Variants in FBXL5 observed in about 807,000 individuals in gnomAD.
FBXL5 encodes F-box and leucine rich repeat protein 5.
FBXL5 carries 26 observed loss-of-function variants against 78.3 expected under a neutral mutation model. The observed-to-expected ratio is 0.33, with a 90% CI of 0.24 to 0.46. The LOEUF is 0.46. Among genes scored for constraint, FBXL5 ranks in the 20% least tolerant of loss-of-function variants. The probability of loss-of-function intolerance (pLI) is 1.00; values close to 1 mark genes in which losing one functional copy is unlikely to be tolerated. For synonymous variants in FBXL5, 295 were observed against 282.5 expected (o/e 1.04, Z -0.45); for missense variants, 710 against 829.2 (o/e 0.86, Z 1.77).
upstream of FBXL5, among the ~76,000 whole-genome samples, chr4:15,658,175 G>T (rs113931304): frequency 1.3e-5 from 2 of 152,182 alleles, no homozygotes; most frequent in Admixed American, 1.3e-4. Context: ...CTCCGTTTGA[G>T]TATGTGACAC....
intron 5 of FBXL5, chr4:15,636,290 T>A (rs763807300): frequency 1.1e-4 from 46 of 415,560 alleles, no homozygotes; most frequent in Admixed American, 1.6e-4. Context: ...TAATTTTTTT[T>A]AATTACAGAC....
intron 3 of FBXL5, 140 bp downstream of exon 3, chr4:15,640,647 TC>T: frequency 2.3e-6 from 1 of 436,226 alleles, no homozygotes. Flanking sequence ...CCTTGGGTTT[TC>T]TTTTTTCCCA....
rs1714264160 is a variant in FBXL5 at position 15,636,353 on chromosome 4, T to C, written c.766+141A>G. The C allele has an allele frequency of 4.8e-6, 3 of 622,652 alleles. No homozygotes were observed. In the East Asian group the frequency reaches 9.4e-5, roughly 20 times the overall value. 38.6% of individuals were successfully genotyped at this position (622,652 alleles called of 1,614,324 possible). On this transcript the variant is annotated intron_variant, in intron 5 of 10. Coordinates refer to ENST00000341285, the MANE Select transcript of FBXL5 (RefSeq NM_012161.4). ...TCACTGCTAGTTTTCCAAAAATATATACCACCAAAACATCATCTAACTATA... is the reference window on the plus strand; with the variant it reads ...TCACTGCTAGTTTTCCAAAAATATACACCACCAAAACATCATCTAACTATA...
intron 1 of FBXL5, among the ~76,000 whole-genome samples, chr4:15,673,599 A>G (rs1423745293): frequency 1.3e-5 from 2 of 152,206 alleles, no homozygotes; most frequent in Non-Finnish European, 2.9e-5. Context: ...CATTGAACAA[A>G]ATGTCTTTAT....
At chr4:15,637,460 CTGATT>C (rs1714401363) in intron 4 of FBXL5, among the ~76,000 whole-genome samples, 1 of 152,154 alleles carries the variant, frequency 6.6e-6, no homozygotes, top group Admixed American at 6.5e-5. Flanking sequence ...CTTTATATAT[CTGATT>C]TGTTTCACAA....
intron 6 of FBXL5, among the ~76,000 whole-genome samples, chr4:15,628,939 T>G (rs906846147): frequency 6.6e-6 from 1 of 152,090 alleles, no homozygotes; most frequent in Non-Finnish European, 1.5e-5. Context: ...AAATTTTTAA[T>G]TTTTTATTGA....
At chr4:15,610,708 C>G (rs1276235807) in intron 10 of FBXL5, among the ~76,000 whole-genome samples, 7 of 152,004 alleles carry the variant, frequency 4.6e-5, no homozygotes, top group Non-Finnish European at 4.4e-5. Flanking sequence ...CCAGTCCCCT[C>G]CCTCTACCCA....
chr4:15,647,767 A>T (rs1489760740), intron 1 of FBXL5, among the ~76,000 whole-genome samples: 1 of 152,244 alleles, frequency 6.6e-6, no homozygotes, highest in Non-Finnish European at 1.5e-5. Context: ...GTGTAAATCC[A>T]TTCTACCAGC....
At position 15,638,496 on chromosome 4, in the gene FBXL5, T is replaced by C. The variant is rs1367193211; in HGVS notation, c.583+12A>G. ...CAACTAATAAATTGTTCTTTATATA[T>C]ATGAATCTCACCTTTATCTGACTTT... On this transcript the variant is annotated intron_variant, in intron 4 of 10. Transcript: ENST00000341285. 7 of 1,556,676 alleles carry C rather than the reference T, an allele frequency of 4.5e-6. No individual in the cohort carries two copies. In the East Asian group the frequency reaches 1.6e-4, roughly 35 times the overall value.
At chr4:15,618,832 C>T (rs576143813) in intron 9 of FBXL5, among the ~76,000 whole-genome samples, 2 of 151,956 alleles carry the variant, frequency 1.3e-5, no homozygotes, top group Non-Finnish European at 2.9e-5. Flanking sequence ...AGCAAGACTC[C>T]GTCTCTAAAA....
chr4:15,677,774 T>TA (rs1245512449), intron 1 of FBXL5, among the ~76,000 whole-genome samples: 1 of 152,214 alleles, frequency 6.6e-6, no homozygotes, highest in Non-Finnish European at 1.5e-5. Context: ...AGTGCTTTCC[T>TA]AAGTTCTGTG....
intron 5 of FBXL5, among the ~76,000 whole-genome samples, chr4:15,631,146 CTA>C (rs1713603753): frequency 6.6e-6 from 1 of 152,120 alleles, no homozygotes; most frequent in Non-Finnish European, 1.5e-5. Context: ...CAATTCCCAA[CTA>C]TGAGTGAGAA....
upstream of FBXL5, chr4:15,660,041 A>G (rs898242279): frequency 2.6e-5 from 4 of 151,920 alleles, no homozygotes; most frequent in African/African-American, 9.7e-5. Flanking sequence ...AAAAAGTATT[A>G]GGAAAGTATC....
At chr4:15,640,710 AT>A in intron 3 of FBXL5, 77 bp downstream of exon 3, 2 of 737,878 alleles carry the variant, frequency 2.7e-6, no homozygotes, top group South Asian at 4.0e-5. Flanking sequence ...CCTATGCATT[AT>A]TTTGAAGAGT....
At position 15,605,728 on chromosome 4, in the gene FBXL5, C is replaced by T. The variant is rs143196332; in HGVS notation, c.2071G>A (p.Glu691Lys). ...CAAAGATCAGAAGTCAAGGGTCATT[C>T]GCCAGAGCGGCAGCAGGCTCGAAAA... ...CGFRACCRSG[E>K] The change falls in exon 11 of 11, where the codon GAA (glutamate) becomes AAA (lysine). Residue 691 changes from glutamate to lysine, a missense_variant. Physicochemically the swap from Glu to Lys is moderately conservative, Grantham distance 56. Around this residue, in one of 4 missense-constraint regions of FBXL5, gnomAD observed 58 missense variants for 112.3 expected, o/e 0.52. Transcript: ENST00000341285. 1.2e-5 allele frequency: 19 copies of T among 1,613,198 alleles called. No homozygotes were observed. Among genetic ancestry groups the T allele is most frequent in the South Asian group, 6.6e-5 (6 of 90,996 alleles).
intron 3 of FBXL5, among the ~76,000 whole-genome samples, chr4:15,639,903 C>T (rs187546108): frequency 7.2e-5 from 11 of 152,240 alleles, no homozygotes; most frequent in African/African-American, 2.6e-4. Context: ...ACAGGTATTC[C>T]GTTCCTCATA....
chr4:15,629,374 A>G (rs1253496605), intron 6 of FBXL5, among the ~76,000 whole-genome samples: 2 of 152,140 alleles, frequency 1.3e-5, no homozygotes, highest in African/African-American at 2.4e-5. Flanking sequence ...ATCTGAGCAA[A>G]TATCTCATCT....
At chr4:15,612,207 T>C in intron 10 of FBXL5, 59 bp downstream of exon 10, 1 of 1,353,730 alleles carries the variant, frequency 7.4e-7, no homozygotes, top group Non-Finnish European at 9.8e-7. Flanking sequence ...TTATTAGAAC[T>C]GCTAAAAAAA....
upstream of FBXL5, among the ~76,000 whole-genome samples, chr4:15,660,641 A>G (rs4554069): frequency 0.33 from 50,832 of 152,064 alleles, 8,867 homozygotes; most frequent in Non-Finnish European, 0.37. Flanking sequence ...CCTCGACTGT[A>G]AAGACTTGGT....
Sources: gnomAD v4.1 joint callset for allele counts (sites outside exome capture counted in the v4.1 genomes callset) on GRCh38, gnomAD v4.1.1 for gene constraint, gnomAD v4.1.1 regional missense constraint, MANE v1.5 for transcripts, NCBI Gene and HGNC (gene_info 2026-07-23, HGNC 2026-07-21) for gene names.